ADARB1: variants seen among roughly 807,000 people sequenced by gnomAD.
The protein encoded by ADARB1 is double-stranded RNA-specific editase 1.
ADARB1 carries 10 observed loss-of-function variants against 52.4 expected under a neutral mutation model. The ratio of observed to expected loss-of-function variants is 0.19; its 90% CI spans 0.12 to 0.32. ADARB1 has a LOEUF of 0.32. Among genes scored for constraint, ADARB1 ranks in the 10% least tolerant of loss-of-function variants. ADARB1 has a pLI of 1.00. For missense variants in ADARB1, 643 were observed against 922.3 expected, an observed-to-expected ratio of 0.70 and a Z score of 3.92; for synonymous variants, 349 against 371.1, an observed-to-expected ratio of 0.94 and a Z score of 0.68.
chr21:45,150,189 G>A (rs1266986452), intron 2 of ADARB1, among the ~76,000 whole-genome samples: 4 of 152,188 alleles, frequency 2.6e-5, no homozygotes, highest in African/African-American at 7.2e-5. Flanking sequence ...CAGGAGAATC[G>A]CTTGAATCCA....
At chr21:45,088,084 G>T (rs11911148) in intron 1 of ADARB1, among the ~76,000 whole-genome samples, 1 of 152,200 alleles carries the variant, frequency 6.6e-6, no homozygotes, top group African/African-American at 2.4e-5. Flanking sequence ...ATAGGTGTCA[G>T]TGTGACTCTG....
intron 4 of ADARB1, among the ~76,000 whole-genome samples, chr21:45,178,794 A>G (rs1236260354): frequency 6.6e-6 from 1 of 152,144 alleles, no homozygotes; most frequent in Non-Finnish European, 1.5e-5. Flanking sequence ...TTAAGAGGGA[A>G]GTCCTTCATT....
At chr21:45,192,032 C>T (rs1038516231) in intron 8 of ADARB1, among the ~76,000 whole-genome samples, 3 of 151,436 alleles carry the variant, frequency 2.0e-5, no homozygotes, top group Middle Eastern at 3.4e-3. Context: ...AATTTTTAGC[C>T]TTCATATTAT....
intron 3 of ADARB1, among the ~76,000 whole-genome samples, 162 bp from the exon 4 acceptor site, chr21:45,175,568 C>T (rs1178759242): frequency 6.6e-6 from 1 of 152,180 alleles, no homozygotes; most frequent in Non-Finnish European, 1.5e-5. Context: ...GCTGATAGTT[C>T]TTTAACTAAA....
Position 45,204,138 on chromosome 21 carries a change from G to T in ADARB1, c.1566-417G>T, listed in dbSNP as rs150532189. ...TCCTCAGAACGGCATACAGTTGAAA[G>T]TCTGGAAGTGTTTATTTCTGGAATT... On this transcript the variant is annotated intron_variant, in intron 8 of 10. Transcript: ENST00000348831. The surrounding 1 kb of genome is among the most constrained non-coding windows in gnomAD (Gnocchi z 4.4). 2.6e-4 allele frequency among the ~76,000 whole-genome samples: 39 copies of T among 152,364 alleles called. No individual in the cohort carries two copies. The East Asian group carries it at 6.2e-3, about 24-fold the overall frequency.
chr21:45,107,922 G>A (rs2087331806), intron 1 of ADARB1, among the ~76,000 whole-genome samples: 1 of 152,142 alleles, frequency 6.6e-6, no homozygotes, highest in Non-Finnish European at 1.5e-5. Context: ...TAATTTGGGT[G>A]TGGTGGCACA....
chr21:45,078,924 G>T (rs1471005478), intron 1 of ADARB1, among the ~76,000 whole-genome samples: 3 of 152,098 alleles, frequency 2.0e-5, no homozygotes, highest in Non-Finnish European at 4.4e-5. Flanking sequence ...CATGTTACAG[G>T]GGGGAATACC....
intron 1 of ADARB1, among the ~76,000 whole-genome samples, chr21:45,083,797 C>T (rs187960718): frequency 4.3e-4 from 66 of 152,280 alleles, no homozygotes; most frequent in African/African-American, 1.5e-3. Context: ...TGGGTTCAAG[C>T]GATCCTCCCG....
chr21:45,153,994 T>C (rs2145967522), intron 2 of ADARB1, among the ~76,000 whole-genome samples: 1 of 152,334 alleles, frequency 6.6e-6, no homozygotes. Flanking sequence ...AATTTAGAAT[T>C]ACCACCACTT....
intron 1 of ADARB1, among the ~76,000 whole-genome samples, chr21:45,112,080 A>C (rs999768825): frequency 1.3e-5 from 2 of 152,220 alleles, no homozygotes; most frequent in Non-Finnish European, 2.9e-5. Flanking sequence ...GGACCTGCTT[A>C]CTAGTGAGAT....
intron 1 of ADARB1, among the ~76,000 whole-genome samples, chr21:45,099,206 G>A (rs554273429): frequency 1.3e-5 from 2 of 152,318 alleles, no homozygotes; most frequent in South Asian, 4.1e-4. Flanking sequence ...TCCTTGAGGA[G>A]GGGGTGGTGG....
intron 1 of ADARB1, among the ~76,000 whole-genome samples, chr21:45,111,965 C>G (rs938420551): frequency 1.3e-5 from 2 of 152,226 alleles, no homozygotes; most frequent in African/African-American, 4.8e-5. Context: ...CCTGCTTTCA[C>G]CACACTCCCC....
chr21:45,088,606 A>G (rs2086437855), intron 1 of ADARB1, among the ~76,000 whole-genome samples: 1 of 152,234 alleles, frequency 6.6e-6, no homozygotes, highest in Non-Finnish European at 1.5e-5. Context: ...CACTATGGAA[A>G]TAGTTACTTC....
In ADARB1 at chr21:45,220,723, C is replaced by A; in HGVS notation, c.1748-113C>A. 2.6e-6 allele frequency: 3 copies of A among 1,151,046 alleles called. No individual in the cohort carries two copies. The highest frequency in any genetic ancestry group is 3.8e-6 in the Non-Finnish European group (3 of 798,692). 71.3% of individuals were successfully genotyped at this position (1,151,046 alleles called of 1,614,324 possible). A position where few individuals can be genotyped will look rare whatever the true frequency, so the allele number is the denominator to read the frequency against. On this transcript the variant is annotated intron_variant, in intron 9 of 10. Transcript: ENST00000348831. This position sits in a 1 kb window ranked among gnomAD's most constrained non-coding sequence, Gnocchi z 6.3. ...CGTATATTCCTCGGCAGGCAGAATT[C>A]CCCCACCACGCACTTCTGTGGCCAT...
Position 45,081,864 on chromosome 21 carries a change from A to G in ADARB1, c.-220+7071A>G, listed in dbSNP as rs111891808. 4.4e-3 allele frequency among the ~76,000 whole-genome samples: 675 copies of G among 152,302 alleles called. 8 individuals are homozygous for G. The highest frequency in any genetic ancestry group is 0.015 in the African/African-American group (631 of 41,562). ...GAGTGGCCAGGATAGGACCAGAACC[A>G]TTGTCCAGTCAGGGGCTAGGAGGTG... On this transcript the variant is annotated intron_variant, in intron 1 of 10. Transcript: ENST00000348831.
chr21:45,190,949 C>T (rs8127017), intron 8 of ADARB1, among the ~76,000 whole-genome samples: 1,998 of 152,316 alleles, frequency 0.013, 49 homozygotes, highest in African/African-American at 0.044. Context: ...TGCCAAACAT[C>T]GTGAAATTTC....
At chr21:45,153,015 G>T (rs1225360443) in intron 2 of ADARB1, among the ~76,000 whole-genome samples, 1 of 152,124 alleles carries the variant, frequency 6.6e-6, no homozygotes, top group Non-Finnish European at 1.5e-5. Context: ...TACAGAAAAG[G>T]TTTTTCTCCC....
At chr21:45,080,078 T>C (rs2086095422) in intron 1 of ADARB1, among the ~76,000 whole-genome samples, 1 of 152,178 alleles carries the variant, frequency 6.6e-6, no homozygotes, top group Admixed American at 6.5e-5. Context: ...CTGGAGAGTT[T>C]CCTATTGGCT....
chr21:45,129,672 G>A (rs2081036228), intron 2 of ADARB1, among the ~76,000 whole-genome samples: 1 of 152,192 alleles, frequency 6.6e-6, no homozygotes, highest in Non-Finnish European at 1.5e-5. Flanking sequence ...GGGAGGGAGC[G>A]GTCACCAGGG....
Sources: allele counts gnomAD v4.1 joint callset (sites outside exome capture counted in the v4.1 genomes callset), GRCh38; gene constraint gnomAD v4.1.1; non-coding constraint Gnocchi (gnomAD v3.1); transcripts MANE v1.5; gene names NCBI Gene and HGNC (gene_info 2026-07-23, HGNC 2026-07-21).